Variants in PABPC4L observed in about 807,000 individuals in gnomAD.
PABPC4L encodes the protein polyadenylate-binding protein 4-like.
For missense variants in PABPC4L, 452 were observed against 451.4 expected, an observed-to-expected ratio of 1.00 and a Z score of -0.01; for synonymous variants, 169 against 164.1, an observed-to-expected ratio of 1.03 and a Z score of -0.23.
At chr4:134,039,430 C>T in the PABPC4L span, among the ~76,000 whole-genome samples, 14 of 151,864 alleles carry the variant, frequency 9.2e-5, no homozygotes, top group African/African-American at 3.4e-4. Flanking sequence ...GGGTATTTAA[C>T]TCTTAGTATT....
the PABPC4L span, among the ~76,000 whole-genome samples, chr4:134,019,384 A>C: frequency 6.6e-6 from 1 of 152,290 alleles, no homozygotes; most frequent in East Asian, 1.9e-4. Flanking sequence ...CATCTATTAG[A>C]AAATATAAAA....
the PABPC4L span, among the ~76,000 whole-genome samples, chr4:134,022,508 C>G: frequency 6.6e-6 from 1 of 152,062 alleles, no homozygotes; most frequent in Non-Finnish European, 1.5e-5. Context: ...ATTTTCTTAA[C>G]TGGCTCATAA....
chr4:134,084,398 T>C, the PABPC4L span, among the ~76,000 whole-genome samples: 2 of 152,198 alleles, frequency 1.3e-5, no homozygotes, highest in Non-Finnish European at 2.9e-5. Context: ...GAGTGTTCTC[T>C]ATGAGTTTCC....
At chr4:134,060,774 A>G in the PABPC4L span, among the ~76,000 whole-genome samples, 2 of 151,976 alleles carry the variant, frequency 1.3e-5, no homozygotes, top group Non-Finnish European at 2.9e-5. Flanking sequence ...TTGCAACAAC[A>G]TGGATGGAAC....
chr4:134,142,096 A>T, the PABPC4L span, among the ~76,000 whole-genome samples: 1 of 151,790 alleles, frequency 6.6e-6, no homozygotes, highest in African/African-American at 2.4e-5. Context: ...TAAATGAGAA[A>T]AAAATGCCTA....
chr4:133,994,006 G>A, the PABPC4L span, among the ~76,000 whole-genome samples: 1 of 152,208 alleles, frequency 6.6e-6, no homozygotes, highest in East Asian at 1.9e-4. Flanking sequence ...GGTCTCCAAG[G>A]CCAATATTAA....
chr4:134,062,789 T>A, the PABPC4L span, among the ~76,000 whole-genome samples: 1 of 152,086 alleles, frequency 6.6e-6, no homozygotes, highest in Non-Finnish European at 1.5e-5. Context: ...TGAAAACTAG[T>A]TCTTAAAACT....
At chr4:134,049,019 C>G in the PABPC4L span, among the ~76,000 whole-genome samples, 4 of 152,070 alleles carry the variant, frequency 2.6e-5, no homozygotes, top group South Asian at 8.3e-4. Context: ...GTCCCATCAT[C>G]AAATGTTTCA....
chr4:134,158,260 T>C, the PABPC4L span, among the ~76,000 whole-genome samples: 2 of 152,032 alleles, frequency 1.3e-5, no homozygotes, highest in Non-Finnish European at 2.9e-5. Context: ...TGATTGTTAC[T>C]TTATCTAAAA....
the PABPC4L span, among the ~76,000 whole-genome samples, chr4:134,122,500 T>C: frequency 6.6e-6 from 1 of 151,904 alleles, no homozygotes; most frequent in African/African-American, 2.4e-5. Flanking sequence ...TTTATAGTTT[T>C]GTACACTACA....
the PABPC4L span, among the ~76,000 whole-genome samples, chr4:134,009,580 A>C: frequency 6.6e-6 from 1 of 152,016 alleles, no homozygotes; most frequent in Non-Finnish European, 1.5e-5. Flanking sequence ...TTTCACTTTG[A>C]TAGCTTGCAG....
the PABPC4L span, among the ~76,000 whole-genome samples, chr4:134,062,574 C>T: frequency 1.3e-5 from 2 of 151,940 alleles, no homozygotes; most frequent in African/African-American, 4.8e-5. Context: ...AAGAAAGCAG[C>T]AGAGAAACAT....
the PABPC4L span, among the ~76,000 whole-genome samples, chr4:134,153,371 A>T: frequency 2.6e-5 from 4 of 151,866 alleles, no homozygotes; most frequent in Non-Finnish European, 4.4e-5. Context: ...ATATATATAT[A>T]TTTTAAATAT....
At chr4:134,128,973 G>C in the PABPC4L span, among the ~76,000 whole-genome samples, 5 of 152,046 alleles carry the variant, frequency 3.3e-5, no homozygotes, top group Non-Finnish European at 7.4e-5. Context: ...AGGTAAAGGG[G>C]TGGGAAAAAA....
chr4:134,034,218 T>C, the PABPC4L span, among the ~76,000 whole-genome samples: 1 of 152,008 alleles, frequency 6.6e-6, no homozygotes, highest in African/African-American at 2.4e-5. Flanking sequence ...TACCTGTTTT[T>C]AGCAGGGTTT....
At chr4:134,034,780 A>G in the PABPC4L span, among the ~76,000 whole-genome samples, 1 of 151,970 alleles carries the variant, frequency 6.6e-6, no homozygotes, top group Non-Finnish European at 1.5e-5. Flanking sequence ...ATGAGTAGAT[A>G]ATGTGGTTTC....
At chr4:134,091,027 A>C in the PABPC4L span, among the ~76,000 whole-genome samples, 1 of 151,952 alleles carries the variant, frequency 6.6e-6, no homozygotes, top group Non-Finnish European at 1.5e-5. Flanking sequence ...TAACCTGTGC[A>C]GTGATATAAG....
At chr4:133,984,177 T>A in the PABPC4L span, among the ~76,000 whole-genome samples, 1 of 151,908 alleles carries the variant, frequency 6.6e-6, no homozygotes, top group African/African-American at 2.4e-5. Context: ...AAGCAACTTA[T>A]GAAAGATAAT....
chr4:134,112,448 A>G, the PABPC4L span, among the ~76,000 whole-genome samples: 17 of 151,916 alleles, frequency 1.1e-4, no homozygotes, highest in Middle Eastern at 3.2e-3. Context: ...TAGATTATAT[A>G]CAACAATCTA....
Sources: allele counts gnomAD v4.1 joint callset (sites outside exome capture counted in the v4.1 genomes callset), GRCh38; gene constraint gnomAD v4.1.1; transcripts MANE v1.5; gene names NCBI Gene and HGNC (gene_info 2026-07-23, HGNC 2026-07-21).